Variants in LSAMP observed in about 807,000 individuals in gnomAD.
The protein encoded by LSAMP is limbic system associated membrane protein, also known as limbic system-associated membrane protein.
A neutral mutation model predicts 38.6 loss-of-function variants in LSAMP; 7 were observed. The observed-to-expected ratio is 0.18, with a 90% CI of 0.10 to 0.34. The LOEUF (loss-of-function observed/expected upper bound fraction) is 0.34, where lower values mean the gene tolerates loss of function less well. LSAMP is among the 10% of genes least tolerant of loss of function. The probability of loss-of-function intolerance (pLI) is 1.00; values close to 1 mark genes in which losing one functional copy is unlikely to be tolerated. For synonymous variants in LSAMP, 154 were observed against 166.8 expected (o/e 0.92, Z 0.59); for missense variants, 313 against 420.0 (o/e 0.75, Z 2.23).
chr3:115,934,982 CTA>C (rs953988932), intron 3 of LSAMP, among the ~76,000 whole-genome samples: 4 of 151,020 alleles, frequency 2.6e-5, no homozygotes, highest in African/African-American at 9.8e-5. Context: ...AAATTGAGTA[CTA>C]AATTATTTAT....
At chr3:115,995,509 T>G (rs1204068728) in intron 3 of LSAMP, among the ~76,000 whole-genome samples, 5 of 152,062 alleles carry the variant, frequency 3.3e-5, no homozygotes, top group Non-Finnish European at 7.4e-5. Context: ...TTAATACCAA[T>G]TTCTAATGAT....
chr3:115,913,402 C>A (rs1301324011), intron 3 of LSAMP, among the ~76,000 whole-genome samples: 3 of 152,182 alleles, frequency 2.0e-5, no homozygotes, highest in Non-Finnish European at 4.4e-5. Context: ...AAGCCATGGT[C>A]TTTTTGACCT....
At chr3:116,397,009 C>T (rs889122509) in intron 1 of LSAMP, among the ~76,000 whole-genome samples, 2 of 152,136 alleles carry the variant, frequency 1.3e-5, no homozygotes, top group Non-Finnish European at 2.9e-5. Flanking sequence ...ATTACAATGC[C>T]ATCACAATAT....
At chr3:116,154,187 A>G (rs977646109) in intron 1 of LSAMP, among the ~76,000 whole-genome samples, 1 of 152,124 alleles carries the variant, frequency 6.6e-6, no homozygotes, top group Non-Finnish European at 1.5e-5. Context: ...ATTCAGAATG[A>G]TGATCATGGG....
intron 1 of LSAMP, among the ~76,000 whole-genome samples, chr3:116,280,439 A>G (rs901341089): frequency 2.0e-5 from 3 of 152,204 alleles, no homozygotes; most frequent in Admixed American, 2.0e-4. Context: ...TTGGCGACTG[A>G]GATTTTCAAT....
chr3:116,014,320 T>C (rs1940416672), intron 3 of LSAMP, among the ~76,000 whole-genome samples: 1 of 152,174 alleles, frequency 6.6e-6, no homozygotes, highest in Non-Finnish European at 1.5e-5. Context: ...CTGTAAATAA[T>C]TCTTGCCAAA....
chr3:116,073,605 GT>G (rs1707664977), intron 2 of LSAMP, among the ~76,000 whole-genome samples: 1 of 152,076 alleles, frequency 6.6e-6, no homozygotes, highest in Non-Finnish European at 1.5e-5. Context: ...GTGTTTTGTA[GT>G]TCTCCTTGAA....
intron 1 of LSAMP, among the ~76,000 whole-genome samples, chr3:116,410,207 A>G (rs2048953261): frequency 6.6e-6 from 1 of 151,570 alleles, no homozygotes; most frequent in South Asian, 2.1e-4. Context: ...GGCACTCTTC[A>G]TAGACAGTTA....
chr3:115,867,618 C>T (rs1247048999), intron 3 of LSAMP, among the ~76,000 whole-genome samples: 1 of 151,960 alleles, frequency 6.6e-6, no homozygotes, highest in African/African-American at 2.4e-5. Flanking sequence ...ACAGGAAAAT[C>T]ACAGAAGAAA....
At position 115,810,342 on chromosome 3, in the gene LSAMP, A is replaced by G; in HGVS notation, c.992T>C (p.Leu331Pro). Reference protein sequence around the residue: ...AVPLWLLAASLLCLLSKC With the variant: ...AVPLWLLAASPLCLLSKC The stretch of plus-strand genomic sequence containing the variant: ...TTAACATTTGCTGAGAAGGCAGAGC[A>G]GAGATGCTGCCAGCAGCCACAGTGG... Residue 331 changes from leucine to proline, a missense_variant, in exon 7 of 7, where the codon CTG (leucine) becomes CCG (proline). Physicochemically the swap from Leu to Pro is moderately conservative, Grantham distance 98. Coordinates refer to ENST00000490035, the MANE Select transcript of LSAMP (RefSeq NM_002338.5). 1 of 1,613,366 alleles carries G rather than the reference A, an allele frequency of 6.2e-7. No homozygotes were observed. Among genetic ancestry groups the G allele is most frequent in the East Asian group, 2.2e-5 (1 of 44,866 alleles).
chr3:116,243,425 C>A (rs973693135), intron 1 of LSAMP, among the ~76,000 whole-genome samples: 3 of 152,288 alleles, frequency 2.0e-5, no homozygotes, highest in African/African-American at 7.2e-5. Context: ...GGGGCTAGCA[C>A]AATCTAGCTC....
At chr3:116,096,471 G>A (rs1178433803) in intron 1 of LSAMP, among the ~76,000 whole-genome samples, 1 of 152,190 alleles carries the variant, frequency 6.6e-6, no homozygotes, top group East Asian at 1.9e-4. Flanking sequence ...CCTCTGGTTA[G>A]CAATTGGCCT....
intron 4 of LSAMP, among the ~76,000 whole-genome samples, chr3:115,848,339 G>T (rs11915827): frequency 0.055 from 8,395 of 152,232 alleles, 780 homozygotes; most frequent in African/African-American, 0.19. Flanking sequence ...CATGAGAATT[G>T]CTTGAACCCA....
chr3:116,162,675 G>GTT (rs1709923106), intron 1 of LSAMP, among the ~76,000 whole-genome samples: 2 of 138,432 alleles, frequency 1.4e-5, no homozygotes, highest in African/African-American at 5.3e-5. Context: ...CTCTTCACTG[G>GTT]TTCTCTCTCT....
intron 1 of LSAMP, among the ~76,000 whole-genome samples, chr3:116,233,273 C>T (rs4277686): frequency 0.018 from 2,741 of 151,878 alleles, 87 homozygotes; most frequent in African/African-American, 0.062. Context: ...ATTAGCCGGG[C>T]ATGGTGGTTG....
At chr3:116,211,316 G>C (rs35253652) in intron 1 of LSAMP, among the ~76,000 whole-genome samples, 2 of 152,190 alleles carry the variant, frequency 1.3e-5, no homozygotes, top group East Asian at 3.9e-4. Context: ...GTATACTTGC[G>C]AATTGCTAAG....
At chr3:116,444,777 A>C (rs1423032715) in intron 1 of LSAMP, 100 bp downstream of exon 1, 2 of 1,470,970 alleles carry the variant, frequency 1.4e-6, no homozygotes, top group Admixed American at 1.8e-5. Flanking sequence ...GCTGGAGTTC[A>C]AGGAGATCAG....
At chr3:115,820,352 A>G (rs1348018837) in intron 6 of LSAMP, among the ~76,000 whole-genome samples, 1 of 152,220 alleles carries the variant, frequency 6.6e-6, no homozygotes, top group Non-Finnish European at 1.5e-5. Context: ...GGTATAATAG[A>G]GAAAGGTAAA....
intron 1 of LSAMP, chr3:116,369,847 A>AGT (rs1369073006): frequency 6.6e-6 from 1 of 152,604 alleles, no homozygotes; most frequent in Non-Finnish European, 1.5e-5. Context: ...AAGAGCCACC[A>AGT]GTGGGGCGCA....
Sources: allele counts gnomAD v4.1 joint callset (sites outside exome capture counted in the v4.1 genomes callset), GRCh38; gene constraint gnomAD v4.1.1; transcripts MANE v1.5; gene names NCBI Gene and HGNC (gene_info 2026-07-23, HGNC 2026-07-21).